Variants in STXBP4 observed in about 807,000 individuals in gnomAD.
STXBP4 encodes syntaxin binding protein 4.
A neutral mutation model predicts 76.1 loss-of-function variants in STXBP4; 55 were observed. That is an observed-to-expected ratio of 0.72 (90% CI 0.58 to 0.91). The LOEUF (loss-of-function observed/expected upper bound fraction) is 0.91. Ranked by LOEUF, STXBP4 falls within the 40% of genes least tolerant of loss-of-function variation. The pLI is 0.00. For missense variants in STXBP4, 618 were observed against 636.9 expected (o/e 0.97, Z 0.32); for synonymous variants, 201 against 220.2 (o/e 0.91, Z 0.77).
At chr17:55,175,484 C>A (rs1388492393), downstream of STXBP4, among the ~76,000 whole-genome samples, 2 of 152,108 alleles carry the variant, frequency 1.3e-5, no homozygotes, top group African/African-American at 4.8e-5. Flanking sequence ...TCTTACTGCA[C>A]CAAGCAGAGG....
intron 16 of STXBP4, among the ~76,000 whole-genome samples, chr17:55,140,696 A>G (rs747690230): frequency 1.3e-5 from 2 of 152,132 alleles, no homozygotes; most frequent in Non-Finnish European, 2.9e-5. Context: ...ACTATTCTCA[A>G]TCCCATTACA....
chr17:55,140,433 C>T (rs2080082043), intron 16 of STXBP4, among the ~76,000 whole-genome samples: 1 of 152,068 alleles, frequency 6.6e-6, no homozygotes, highest in Non-Finnish European at 1.5e-5. Flanking sequence ...GGTAGGCTAC[C>T]TGAGTCGTGA....
the STXBP4 span, among the ~76,000 whole-genome samples, chr17:55,196,465 C>T: frequency 3.9e-5 from 6 of 152,340 alleles, 1 homozygote; most frequent in Admixed American, 3.3e-4. Context: ...TACACTGTAT[C>T]AACTTGTTGA....
chr17:55,202,146 C>T, the STXBP4 span, among the ~76,000 whole-genome samples: 3 of 151,952 alleles, frequency 2.0e-5, no homozygotes, highest in Non-Finnish European at 4.4e-5. Flanking sequence ...AGCTAGGGCA[C>T]CTTATGCCCC....
rs979357912 is a variant in STXBP4 at position 55,078,074 on chromosome 17, G to T, written c.1189-4G>T. 6.3e-7 allele frequency: 1 copy of T among 1,587,472 alleles called. No homozygotes were observed. Among genetic ancestry groups the T allele is most frequent in the Non-Finnish European group, 8.6e-7 (1 of 1,161,124 alleles). On this transcript the variant is annotated splice_polypyrimidine_tract_variant and splice_region_variant and intron_variant, in intron 13 of 17. Transcript: ENST00000376352. The stretch of plus-strand genomic sequence containing the variant: ...TAAATGCTCCTTTTGATATCTCTGT[G>T]CAGGAAAGTGTTCAGGATTTAAAAA...
Position 54,990,976 on chromosome 17 carries a change from C to A in STXBP4, c.180+19C>A. The A allele has an allele frequency of 6.7e-7, 1 of 1,501,830 alleles. No individual in the cohort carries two copies. Among genetic ancestry groups the A allele is most frequent in the Non-Finnish European group, 8.8e-7 (1 of 1,130,452 alleles). The allele number at this position is 1,501,830 out of a possible 1,614,324, so 93.0% of individuals were successfully genotyped here. A position where few individuals can be genotyped will look rare whatever the true frequency, so the allele number is the denominator to read the frequency against. The stretch of plus-strand genomic sequence containing the variant: ...TTATAAGGTAAAAATATGTCCCATG[C>A]CCACCAAAAATACAAACAAAAAGAC... On this transcript the variant is annotated intron_variant, in intron 4 of 17. Coordinates refer to ENST00000376352, the MANE Select transcript of STXBP4 (RefSeq NM_178509.6).
At chr17:55,071,658 A>G (rs1380111933) in intron 12 of STXBP4, among the ~76,000 whole-genome samples, 1 of 152,184 alleles carries the variant, frequency 6.6e-6, no homozygotes, top group Non-Finnish European at 1.5e-5. Flanking sequence ...TACCCCCAGT[A>G]CCTGAAACAG....
At chr17:54,996,939 T>C (rs2077814471) in intron 4 of STXBP4, among the ~76,000 whole-genome samples, 1 of 152,242 alleles carries the variant, frequency 6.6e-6, no homozygotes, top group Admixed American at 6.5e-5. Context: ...AGGAATATAT[T>C]ATTATTTCAA....
At chr17:55,052,452 A>G (rs1437717564) in intron 12 of STXBP4, among the ~76,000 whole-genome samples, 3 of 152,170 alleles carry the variant, frequency 2.0e-5, no homozygotes, top group Admixed American at 6.5e-5. Flanking sequence ...ACTTTTGCCT[A>G]TAGTAGGATG....
In STXBP4 at chr17:55,026,372, T is replaced by C. The variant is rs575485125; in HGVS notation, c.667-4796T>C. Among the ~76,000 whole-genome samples, 8 of 152,256 alleles carry C rather than the reference T, an allele frequency of 5.3e-5. No homozygotes were observed. In the East Asian group the frequency reaches 1.5e-3, roughly 29 times the overall value. ...CCCCCAAGATGGTAGATTAGAGCGGTATTAGCATGCCTGTCCTCCTTGGAA... is the reference window on the plus strand; with the variant it reads ...CCCCCAAGATGGTAGATTAGAGCGGCATTAGCATGCCTGTCCTCCTTGGAA... On this transcript the variant is annotated intron_variant, in intron 8 of 17. Coordinates refer to ENST00000376352, the MANE Select transcript of STXBP4 (RefSeq NM_178509.6).
At position 55,057,731 on chromosome 17, in the gene STXBP4, G is replaced by A. The variant is rs564836397; in HGVS notation, c.1011+10577G>A. Among the ~76,000 whole-genome samples, 25 of 152,222 alleles carry A rather than the reference G, an allele frequency of 1.6e-4. 1 individual carries two copies. Among genetic ancestry groups the A allele is most frequent in the African/African-American group, 5.8e-4 (24 of 41,532 alleles). On this transcript the variant is annotated intron_variant, in intron 12 of 17. Coordinates refer to ENST00000376352, the MANE Select transcript of STXBP4 (RefSeq NM_178509.6). ...GCTCCACCGCCCGACAGGCCCCAGT[G>A]TGTGATGTTCCCCTCCCTGTGTACA... is the stretch of plus-strand genomic sequence containing the variant.
At chr17:55,053,028 G>C (rs988866798) in intron 12 of STXBP4, among the ~76,000 whole-genome samples, 2 of 146,598 alleles carry the variant, frequency 1.4e-5, no homozygotes, top group African/African-American at 2.5e-5. Flanking sequence ...GTTAAAAGAT[G>C]CTAAAGAGAC....
chr17:55,064,884 G>A (rs1301250036), intron 12 of STXBP4, among the ~76,000 whole-genome samples: 2 of 151,788 alleles, frequency 1.3e-5, no homozygotes, highest in Non-Finnish European at 2.9e-5. Context: ...TTCATTCCTA[G>A]TCATATTTCA....
At chr17:55,125,203 C>A (rs1459207273) in intron 16 of STXBP4, among the ~76,000 whole-genome samples, 1 of 152,098 alleles carries the variant, frequency 6.6e-6, no homozygotes, top group Non-Finnish European at 1.5e-5. Context: ...AGAAGCTGCT[C>A]TTTTCATTCA....
the STXBP4 span, among the ~76,000 whole-genome samples, chr17:55,199,630 T>C: frequency 2.0e-5 from 3 of 152,220 alleles, no homozygotes; most frequent in African/African-American, 7.2e-5. Flanking sequence ...TGAGTGGTAA[T>C]AATCAGAATT....
At chr17:55,014,028 T>C (rs2078160458) in intron 8 of STXBP4, among the ~76,000 whole-genome samples, 1 of 152,200 alleles carries the variant, frequency 6.6e-6, no homozygotes, top group Non-Finnish European at 1.5e-5. Context: ...CCTGAGATCT[T>C]GCACTAACCT....
intron 8 of STXBP4, among the ~76,000 whole-genome samples, chr17:55,025,067 G>GGAGGCGGA (rs958159642): frequency 6.0e-5 from 9 of 150,806 alleles, no homozygotes; most frequent in Non-Finnish European, 1.0e-4. Flanking sequence ...CATGAACCCA[G>GGAGGCGGA]GAGGCGGAGC....
intron 10 of STXBP4, among the ~76,000 whole-genome samples, chr17:55,034,519 T>C (rs978903079): frequency 2.0e-5 from 3 of 152,142 alleles, no homozygotes; most frequent in African/African-American, 7.2e-5. Flanking sequence ...ATACGTGCTA[T>C]AACTAGCTAG....
At chr17:55,138,701 A>G (rs897656914) in intron 16 of STXBP4, among the ~76,000 whole-genome samples, 1 of 152,186 alleles carries the variant, frequency 6.6e-6, no homozygotes, top group Non-Finnish European at 1.5e-5. Flanking sequence ...TTTTAAAACA[A>G]TAATGATTAT....
Sources: allele counts gnomAD v4.1 joint callset (sites outside exome capture counted in the v4.1 genomes callset), GRCh38; gene constraint gnomAD v4.1.1; transcripts MANE v1.5; gene names NCBI Gene and HGNC (gene_info 2026-07-23, HGNC 2026-07-21).